The following PRKG1 variants were observed in gnomAD, a reference collection of about 807,000 sequenced individuals.
PRKG1 encodes cGMP-dependent protein kinase 1.
A neutral mutation model predicts 88.1 loss-of-function variants in PRKG1; 35 were observed. The ratio of observed to expected loss-of-function variants is 0.40; its 90% CI spans 0.30 to 0.53. PRKG1 has a LOEUF of 0.53. Among genes scored for constraint, PRKG1 ranks in the 20% least tolerant of loss-of-function variants. PRKG1 has a pLI of 0.59. For synonymous variants in PRKG1, 303 were observed against 292.5 expected (o/e 1.04, Z -0.37); for missense variants, 540 against 839.8 (o/e 0.64, Z 4.41).
chr10:50,999,016 A>C (rs960344841), intron 1 of PRKG1, among the ~76,000 whole-genome samples: 7 of 152,208 alleles, frequency 4.6e-5, no homozygotes, highest in Admixed American at 4.6e-4. Flanking sequence ...ATTTTATTTT[A>C]AACATTTTAA....
intron 3 of PRKG1, among the ~76,000 whole-genome samples, chr10:51,653,805 T>C (rs2132318353): frequency 6.6e-6 from 1 of 152,282 alleles, no homozygotes; most frequent in Admixed American, 6.5e-5. Context: ...TGGCCTCAAG[T>C]GATCCACCTG....
At chr10:51,160,628 T>G (rs960530003) in intron 2 of PRKG1, among the ~76,000 whole-genome samples, 4 of 152,166 alleles carry the variant, frequency 2.6e-5, no homozygotes, top group African/African-American at 7.2e-5. Flanking sequence ...ACCTATCTGG[T>G]GGATGGGAAA....
At chr10:51,939,819 A>T (rs985931539) in intron 5 of PRKG1, among the ~76,000 whole-genome samples, 1 of 151,500 alleles carries the variant, frequency 6.6e-6, no homozygotes, top group Non-Finnish European at 1.5e-5. Flanking sequence ...ATTTTCTCTC[A>T]AATCTACTAA....
chr10:51,913,773 T>C (rs1842277722), intron 5 of PRKG1, among the ~76,000 whole-genome samples: 1 of 152,178 alleles, frequency 6.6e-6, no homozygotes, highest in Admixed American at 6.5e-5. Flanking sequence ...ATCGAGACAA[T>C]AAATATTAGA....
chr10:51,186,935 A>G (rs1388965161), intron 2 of PRKG1, among the ~76,000 whole-genome samples: 1 of 139,718 alleles, frequency 7.2e-6, no homozygotes, highest in Non-Finnish European at 1.5e-5. Flanking sequence ...GTTAAAAATG[A>G]GTTTTGCAAG....
At chr10:51,424,299 A>AT (rs1838507236) in intron 2 of PRKG1, among the ~76,000 whole-genome samples, 1 of 151,970 alleles carries the variant, frequency 6.6e-6, no homozygotes, top group African/African-American at 2.4e-5. Context: ...TTAATGTTAT[A>AT]TTTTTTCCAC....
chr10:51,650,079 T>C (rs949933682), intron 3 of PRKG1, among the ~76,000 whole-genome samples: 4 of 152,152 alleles, frequency 2.6e-5, no homozygotes, highest in African/African-American at 9.7e-5. Flanking sequence ...TTAAGGCTTT[T>C]TCTTTAGTGA....
At chr10:51,559,888 T>C (rs1260419235) in intron 3 of PRKG1, among the ~76,000 whole-genome samples, 1 of 152,124 alleles carries the variant, frequency 6.6e-6, no homozygotes, top group Non-Finnish European at 1.5e-5. Flanking sequence ...GGTTCTTCCA[T>C]ATAATTTTAT....
Position 50,991,298 on chromosome 10 carries a change from G to A in PRKG1, c.-81G>A, listed in dbSNP as rs1413618174. 41 of 1,382,460 alleles carry A rather than the reference G, an allele frequency of 3.0e-5. No individual in the cohort carries two copies. In the South Asian group the frequency reaches 4.0e-4, roughly 13 times the overall value. The allele number at this position is 1,382,460 out of a possible 1,614,324, so 85.6% of individuals were successfully genotyped here. On this transcript the variant is annotated 5_prime_UTR_variant, in exon 1 of 18. Coordinates refer to the PRKG1 transcript ENST00000401604. This position sits in a 1 kb window ranked among gnomAD's most constrained non-coding sequence, Gnocchi z 4.5. ...TCGCTCACCCGCGCTCTCCGCTGCCGGCTGCCGTCCCAGCCGCCGCCGCCG... is the reference window on the plus strand; with the variant it reads ...TCGCTCACCCGCGCTCTCCGCTGCCAGCTGCCGTCCCAGCCGCCGCCGCCG...
At chr10:51,746,204 C>T (rs1378618654) in intron 3 of PRKG1, among the ~76,000 whole-genome samples, 1 of 152,048 alleles carries the variant, frequency 6.6e-6, no homozygotes, top group Admixed American at 6.5e-5. Flanking sequence ...GATTAATACA[C>T]ACTGTGTGCC....
chr10:51,238,051 A>G (rs1474929427), intron 2 of PRKG1, among the ~76,000 whole-genome samples: 1 of 152,206 alleles, frequency 6.6e-6, no homozygotes, highest in Admixed American at 6.5e-5. Context: ...ACAATTACAT[A>G]TTCTTCTATT....
intron 5 of PRKG1, among the ~76,000 whole-genome samples, chr10:52,029,123 T>C (rs1423846119): frequency 6.6e-6 from 1 of 152,194 alleles, no homozygotes; most frequent in Non-Finnish European, 1.5e-5. Flanking sequence ...GGCTGGACTT[T>C]CCTATTCTTG....
intron 9 of PRKG1, among the ~76,000 whole-genome samples, chr10:52,183,479 G>A (rs1025817064): frequency 2.0e-5 from 3 of 152,198 alleles, no homozygotes; most frequent in Non-Finnish European, 4.4e-5. Context: ...TTCCTGGGTG[G>A]GACTGCCAGA....
At chr10:51,036,330 A>G (rs1316188627) in intron 1 of PRKG1, among the ~76,000 whole-genome samples, 5 of 152,310 alleles carry the variant, frequency 3.3e-5, no homozygotes, top group Middle Eastern at 3.4e-3. Flanking sequence ...GAACAGATGA[A>G]TGACAGGTAT....
chr10:51,493,582 A>G (rs1346707249), intron 3 of PRKG1, among the ~76,000 whole-genome samples: 1 of 152,200 alleles, frequency 6.6e-6, no homozygotes, highest in Non-Finnish European at 1.5e-5. Context: ...AGAATAAATG[A>G]GTCAAGATTC....
chr10:52,079,204 A>G (rs1386693173), intron 7 of PRKG1, among the ~76,000 whole-genome samples: 2 of 152,096 alleles, frequency 1.3e-5, no homozygotes, highest in African/African-American at 2.4e-5. Context: ...CATTTCTCCC[A>G]TTCATTCATT....
chr10:51,681,717 ATT>A (rs1340576498), intron 3 of PRKG1, among the ~76,000 whole-genome samples: 1 of 152,090 alleles, frequency 6.6e-6, no homozygotes. Context: ...TTGTAGGACT[ATT>A]TTCTTTAAGT....
At chr10:51,134,520 G>A (rs1845643694) in intron 1 of PRKG1, among the ~76,000 whole-genome samples, 1 of 152,100 alleles carries the variant, frequency 6.6e-6, no homozygotes, top group African/African-American at 2.4e-5. Context: ...AGTACTTTAT[G>A]TTACTGTAAA....
chr10:51,859,936 T>A (rs1219194630), intron 4 of PRKG1, among the ~76,000 whole-genome samples: 1 of 152,190 alleles, frequency 6.6e-6, no homozygotes, highest in African/African-American at 2.4e-5. Context: ...TATTAGCCAC[T>A]GGCATATAGC....
Sources: gnomAD v4.1 joint callset for allele counts (sites outside exome capture counted in the v4.1 genomes callset) on GRCh38, gnomAD v4.1.1 for gene constraint, Gnocchi (gnomAD v3.1) non-coding constraint, MANE v1.5 for transcripts, NCBI Gene and HGNC (gene_info 2026-07-23, HGNC 2026-07-21) for gene names.